Variants in UBE2G2 observed in about 807,000 individuals in gnomAD.
The protein encoded by UBE2G2 is ubiquitin conjugating enzyme E2 G2, also known as ubiquitin-conjugating enzyme E2 G2.
A neutral mutation model predicts 23.0 loss-of-function variants in UBE2G2; 10 were observed. The observed-to-expected ratio is 0.43, with a 90% CI of 0.27 to 0.74. UBE2G2 has a LOEUF of 0.74. Ranked by LOEUF, UBE2G2 falls within the 30% of genes least tolerant of loss-of-function variation. The pLI, the probability that UBE2G2 is intolerant of heterozygous loss-of-function variation, is 0.19. For synonymous variants in UBE2G2, 86 were observed against 81.3 expected (o/e 1.06, Z -0.31); for missense variants, 150 against 218.3 (o/e 0.69, Z 1.97).
At chr21:44,774,128 G>A (rs2082895583) in intron 4 of UBE2G2, 2 of 154,368 alleles carry the variant, frequency 1.3e-5, no homozygotes, top group African/African-American at 4.8e-5. Context: ...ATGTTCACAT[G>A]GCTATGATAA....
At chr21:44,801,568 G>A (rs1394764151) in intron 1 of UBE2G2, 138 bp downstream of exon 1, 5 of 1,248,948 alleles carry the variant, frequency 4.0e-6, no homozygotes, top group Non-Finnish European at 5.2e-6. Flanking sequence ...GGCACTCCGC[G>A]GGACCCACAG....
In UBE2G2 at chr21:44,787,033, A is replaced by C. The variant is rs1330429451; in HGVS notation, c.125+887T>G. ...CTTGAACCCAAGGGGCAGGAGTTGC[A>C]GTGAGCCAAGGTTGTGCCACCGCAC... On this transcript the variant is annotated intron_variant, in intron 3 of 5. Transcript: ENST00000345496. Among the ~76,000 whole-genome samples the C allele has an allele frequency of 5.3e-5, 8 of 151,900 alleles. No individual in the cohort carries two copies. In the East Asian group the frequency reaches 1.5e-3, roughly 29 times the overall value.
At chr21:44,782,368 C>T (rs943551960) in intron 3 of UBE2G2, among the ~76,000 whole-genome samples, 1 of 152,200 alleles carries the variant, frequency 6.6e-6, no homozygotes, top group Non-Finnish European at 1.5e-5. Flanking sequence ...GATATGATGG[C>T]AATATCCCTC....
intron 4 of UBE2G2, chr21:44,775,473 T>A (rs1343016051): frequency 2.6e-5 from 4 of 152,248 alleles, no homozygotes; most frequent in Non-Finnish European, 1.5e-5. Context: ...TATTGACTAG[T>A]TTTTATGATA....
chr21:44,796,508 G>C (rs1189771395), intron 1 of UBE2G2, among the ~76,000 whole-genome samples: 4 of 151,772 alleles, frequency 2.6e-5, no homozygotes, highest in Non-Finnish European at 5.9e-5. Context: ...TAGATGTTAA[G>C]ATACACACAC....
At chr21:44,776,210 T>C (rs1182411861) in intron 4 of UBE2G2, among the ~76,000 whole-genome samples, 1 of 152,088 alleles carries the variant, frequency 6.6e-6, no homozygotes, top group Non-Finnish European at 1.5e-5. Flanking sequence ...TGTTCAGAAA[T>C]TCCAATTCCT....
intron 1 of UBE2G2, among the ~76,000 whole-genome samples, chr21:44,788,311 A>G (rs2083015939): frequency 7.9e-6 from 1 of 126,844 alleles, no homozygotes; most frequent in East Asian, 2.1e-4. Flanking sequence ...TTTTTTTGAG[A>G]CGGAGTCTCA....
intron 3 of UBE2G2, among the ~76,000 whole-genome samples, chr21:44,781,551 T>C (rs1389351659): frequency 6.6e-6 from 1 of 152,174 alleles, no homozygotes; most frequent in African/African-American, 2.4e-5. Context: ...AGGAGTTAAA[T>C]AGAAACTGAT....
At chr21:44,784,751 A>G (rs189330858) in intron 3 of UBE2G2, among the ~76,000 whole-genome samples, 2 of 152,270 alleles carry the variant, frequency 1.3e-5, no homozygotes, top group Admixed American at 6.5e-5. Context: ...CCATCCACCA[A>G]CTGGGCCCCA....
intron 1 of UBE2G2, among the ~76,000 whole-genome samples, chr21:44,792,951 T>C (rs897536558): frequency 6.6e-6 from 1 of 152,202 alleles, no homozygotes; most frequent in African/African-American, 2.4e-5. Flanking sequence ...GGGAACTGAA[T>C]GTGAATGAGG....
At chr21:44,793,384 G>A (rs997617975) in intron 1 of UBE2G2, among the ~76,000 whole-genome samples, 4 of 152,206 alleles carry the variant, frequency 2.6e-5, no homozygotes, top group African/African-American at 9.7e-5. Flanking sequence ...TTAGGGAGGG[G>A]AAAGGGTGGT....
intron 1 of UBE2G2, among the ~76,000 whole-genome samples, chr21:44,791,497 A>G (rs2083044644): frequency 6.6e-6 from 1 of 152,224 alleles, no homozygotes; most frequent in African/African-American, 2.4e-5. Flanking sequence ...TTCAGAGAGT[A>G]CAAACCCCAA....
In UBE2G2 at chr21:44,795,795, A is replaced by G. The variant is rs555118395; in HGVS notation, c.43+5911T>C. Among the ~76,000 whole-genome samples, 13 of 152,302 alleles carry G rather than the reference A, an allele frequency of 8.5e-5. No individual in the cohort carries two copies. In the Middle Eastern group the frequency reaches 0.024, roughly 279 times the overall value. ...TTTAAAAATTAAACACACACTTCCC[A>G]TTATAACCCTGGTTATTTACACAGG... is the stretch of plus-strand genomic sequence containing the variant. On this transcript the variant is annotated intron_variant, in intron 1 of 5. Coordinates refer to ENST00000345496, the MANE Select transcript of UBE2G2 (RefSeq NM_003343.6).
intron 3 of UBE2G2, among the ~76,000 whole-genome samples, chr21:44,778,169 T>C (rs576529841): frequency 6.6e-6 from 1 of 152,376 alleles, no homozygotes; most frequent in South Asian, 2.1e-4. Context: ...GATGTGGGGC[T>C]AAGAGTTGTA....
chr21:44,776,915 T>C (rs1490327708), intron 4 of UBE2G2: 7 of 191,760 alleles, frequency 3.7e-5, no homozygotes, highest in African/African-American at 7.2e-5. Flanking sequence ...TAATACAATA[T>C]ATAACTTAAT....
In UBE2G2 at chr21:44,772,371, C is replaced by G. The variant is rs1331096445; in HGVS notation, c.386-882G>C. On this transcript the variant is annotated intron_variant, in intron 5 of 5. Coordinates refer to ENST00000345496, the MANE Select transcript of UBE2G2 (RefSeq NM_003343.6). This position sits in a 1 kb window ranked among gnomAD's most constrained non-coding sequence, Gnocchi z 5.4. ...CCCTGACCTCACATCCCTCTAGACC[C>G]CACTCCACGGCACCCAAAGGCTCTG... Among the ~76,000 whole-genome samples the G allele has an allele frequency of 6.6e-6, 1 of 152,134 alleles. No individual in the cohort carries two copies. Among genetic ancestry groups the G allele is most frequent in the Admixed American group, 6.5e-5 (1 of 15,288 alleles).
At chr21:44,773,292 T>C (rs1194914290) in intron 5 of UBE2G2, among the ~76,000 whole-genome samples, 1 of 152,038 alleles carries the variant, frequency 6.6e-6, no homozygotes, top group African/African-American at 2.4e-5. Flanking sequence ...AATAAACACC[T>C]ACTGAGGGAA....
Position 44,777,532 on chromosome 21 carries a change from G to T in UBE2G2, c.126-115C>A, listed in dbSNP as rs572323644. 3.8e-6 allele frequency: 4 copies of T among 1,065,976 alleles called. No individual in the cohort carries two copies. In the South Asian group the frequency reaches 5.2e-5, roughly 14 times the overall value. The allele number at this position is 1,065,976 out of a possible 1,614,324, so 66.0% of individuals were successfully genotyped here. A position where few individuals can be genotyped will look rare whatever the true frequency, so the allele number is the denominator to read the frequency against. On this transcript the variant is annotated intron_variant, in intron 3 of 5. Coordinates refer to ENST00000345496, the MANE Select transcript of UBE2G2 (RefSeq NM_003343.6). Reference sequence around the variant, plus strand: ...ACTTTAAAAATGCACGTGAGGCCGGGTGCGGTGGCTCACGCCTGTAATCCC... The same window carrying T: ...ACTTTAAAAATGCACGTGAGGCCGGTTGCGGTGGCTCACGCCTGTAATCCC...
Position 44,798,849 on chromosome 21 carries a change from C to T in UBE2G2, c.43+2857G>A, listed in dbSNP as rs188246865. Among the ~76,000 whole-genome samples, 369 of 152,268 alleles carry T rather than the reference C, an allele frequency of 2.4e-3. 1 individual carries two copies. In the Middle Eastern group the frequency reaches 0.037, roughly 15 times the overall value. ...GCCATCTAGAATGATAAATCCTTTC[C>T]AGAAGACTTTTGATTTTCTTTGCCC... On this transcript the variant is annotated intron_variant, in intron 1 of 5. Coordinates refer to ENST00000345496, the MANE Select transcript of UBE2G2 (RefSeq NM_003343.6).
Sources: allele counts gnomAD v4.1 joint callset (sites outside exome capture counted in the v4.1 genomes callset), GRCh38; gene constraint gnomAD v4.1.1; non-coding constraint Gnocchi (gnomAD v3.1); transcripts MANE v1.5; gene names NCBI Gene and HGNC (gene_info 2026-07-23, HGNC 2026-07-21).